Variants in OR7E24 observed in about 807,000 individuals in gnomAD.
The protein encoded by OR7E24 is olfactory receptor family 7 subfamily E member 24.
For synonymous variants in OR7E24, 130 were observed against 157.5 expected (o/e 0.83, Z 1.31); for missense variants, 385 against 410.3 (o/e 0.94, Z 0.53).
chr19:9,243,241 A>G (rs1599232008), upstream of OR7E24, among the ~76,000 whole-genome samples: 1 of 151,938 alleles, frequency 6.6e-6, no homozygotes, highest in South Asian at 2.1e-4. Flanking sequence ...CTCCACACAC[A>G]CCATCCTGTC....
the OR7E24 span, among the ~76,000 whole-genome samples, chr19:9,218,644 G>T: frequency 1.3e-5 from 2 of 151,266 alleles, no homozygotes; most frequent in Non-Finnish European, 2.9e-5. Flanking sequence ...ATTTTTTTTT[G>T]GGGGGGACAT....
upstream of OR7E24, among the ~76,000 whole-genome samples, chr19:9,242,810 T>C (rs1229601759): frequency 6.6e-6 from 1 of 152,002 alleles, no homozygotes; most frequent in Admixed American, 6.6e-5. Flanking sequence ...GATTATTCCT[T>C]TTCTTCCCTC....
chr19:9,243,335 T>G (rs2066121065), upstream of OR7E24, among the ~76,000 whole-genome samples: 1 of 149,840 alleles, frequency 6.7e-6, no homozygotes, highest in Non-Finnish European at 1.5e-5. Context: ...AATTTTATGT[T>G]GCTCTGGCAT....
the OR7E24 span, among the ~76,000 whole-genome samples, chr19:9,215,190 A>G: frequency 2.0e-5 from 3 of 152,038 alleles, no homozygotes; most frequent in African/African-American, 7.2e-5. Context: ...TAAAAATACA[A>G]AAATCAGCTG....
At chr19:9,220,307 T>C in the OR7E24 span, among the ~76,000 whole-genome samples, 11 of 152,300 alleles carry the variant, frequency 7.2e-5, no homozygotes, top group African/African-American at 2.6e-4. Context: ...ATAGCTGTAA[T>C]TTTGTATTCT....
At chr19:9,218,165 T>C in the OR7E24 span, among the ~76,000 whole-genome samples, 1 of 152,198 alleles carries the variant, frequency 6.6e-6, no homozygotes, top group Admixed American at 6.5e-5. Flanking sequence ...CAAATTGAAA[T>C]GTTCTATAAA....
chr19:9,222,817 C>A, the OR7E24 span, among the ~76,000 whole-genome samples: 1 of 152,096 alleles, frequency 6.6e-6, no homozygotes, highest in Non-Finnish European at 1.5e-5. Context: ...ATTGATTTAG[C>A]TAGAACTTCC....
At chr19:9,244,466 A>G (rs1346198768), upstream of OR7E24, among the ~76,000 whole-genome samples, 1 of 152,268 alleles carries the variant, frequency 6.6e-6, no homozygotes, top group Non-Finnish European at 1.5e-5. Flanking sequence ...AGCCTTTTCA[A>G]CAAACGGTGT....
chr19:9,251,260 C>T lies in OR7E24; in HGVS notation c.217C>T (p.Leu73Phe), dbSNP rs781467011. The T allele has an allele frequency of 1.1e-5, 17 of 1,614,008 alleles. No individual in the cohort carries two copies. In the East Asian group the frequency reaches 2.7e-4, roughly 25 times the overall value. Residue 73 changes from leucine to phenylalanine, a missense_variant, in exon 1 of 1, where the codon CTC becomes TTC. Transcript: ENST00000456448. ...IILAVSSDSH[L>F]HTPMYFFLSN... ...CCTGGCTGTCAGCTCTGACTCCCAC[C>T]TCCACACCCCCATGTACTTCTTCCT... is the stretch of plus-strand genomic sequence containing the variant.
At position 9,250,933 on chromosome 19, in the gene OR7E24, G is replaced by C. The variant is rs576207950; in HGVS notation, c.-111G>C. On this transcript the variant is annotated 5_prime_UTR_variant, in exon 1 of 1. Coordinates refer to ENST00000456448, the MANE Select transcript of OR7E24 (RefSeq NM_001079935.2). Reference sequence around the variant, plus strand: ...TATGAAGTAACTCTAAGGAAATTGGGTTTGTCACAACTGAGAACTATTGCT... The same window carrying C: ...TATGAAGTAACTCTAAGGAAATTGGCTTTGTCACAACTGAGAACTATTGCT... 3.9e-5 allele frequency: 31 copies of C among 792,366 alleles called. No individual in the cohort carries two copies. In the South Asian group the frequency reaches 5.8e-4, roughly 15 times the overall value. The allele number at this position is 792,366 out of a possible 1,614,324, so 49.1% of individuals were successfully genotyped here.
At chr19:9,235,734 T>C in the OR7E24 span, 8 of 1,605,774 alleles carry the variant, frequency 5.0e-6, no homozygotes, top group Admixed American at 6.7e-5. Flanking sequence ...TCATTAACAT[T>C]GTCTTGTATG....
chr19:9,246,568 T>C (rs1392257138), upstream of OR7E24, among the ~76,000 whole-genome samples: 1 of 149,292 alleles, frequency 6.7e-6, no homozygotes, highest in Non-Finnish European at 1.5e-5. Flanking sequence ...TATAGCAGCG[T>C]TATTCACAAT....
the OR7E24 span, among the ~76,000 whole-genome samples, chr19:9,222,971 T>C: frequency 2.7e-4 from 41 of 152,356 alleles, no homozygotes; most frequent in South Asian, 8.3e-3. Context: ...TGAGGTATAT[T>C]CCTTCTATAT....
chr19:9,236,444 A>G, the OR7E24 span, among the ~76,000 whole-genome samples: 8 of 152,068 alleles, frequency 5.3e-5, no homozygotes, highest in African/African-American at 1.9e-4. Flanking sequence ...CAGGAGGCGG[A>G]GGTTTCAGTG....
At chr19:9,235,529 C>A in the OR7E24 span, 1 of 1,542,902 alleles carries the variant, frequency 6.5e-7, no homozygotes, top group Non-Finnish European at 9.0e-7. Flanking sequence ...ATCTGCCACC[C>A]ACTGCAGTAC....
At chr19:9,210,580 C>T in the OR7E24 span, 1 of 152,096 alleles carries the variant, frequency 6.6e-6, no homozygotes, top group Non-Finnish European at 1.5e-5. Flanking sequence ...CATCTCAAAA[C>T]AAAACAAAAC....
upstream of OR7E24, among the ~76,000 whole-genome samples, chr19:9,246,114 G>T (rs1185815197): frequency 8.0e-6 from 1 of 125,008 alleles, no homozygotes; most frequent in Admixed American, 1.0e-4. Context: ...CTGTCTCCCA[G>T]GCTGGAGTGC....
At chr19:9,239,969 G>C in the OR7E24 span, among the ~76,000 whole-genome samples, 25 of 152,110 alleles carry the variant, frequency 1.6e-4, no homozygotes, top group African/African-American at 6.0e-4. Flanking sequence ...GCCTCCCAAA[G>C]TGCTGGGATT....
the OR7E24 span, chr19:9,236,092 A>G: frequency 7.4e-7 from 1 of 1,348,516 alleles, no homozygotes; most frequent in African/African-American, 1.4e-5. Flanking sequence ...ACGGTACACA[A>G]CCTCAGAACT....
Sources: gnomAD v4.1 joint callset for allele counts (sites outside exome capture counted in the v4.1 genomes callset) on GRCh38, gnomAD v4.1.1 for gene constraint, MANE v1.5 for transcripts, NCBI Gene and HGNC (gene_info 2026-07-23, HGNC 2026-07-21) for gene names.